The following TRPM3 variants were observed in gnomAD, a reference collection of about 807,000 sequenced individuals.
TRPM3 encodes the protein long transient receptor potential channel 3.
Under a neutral mutation model 181.2 loss-of-function variants are expected in TRPM3, and 77 were observed. That is an observed-to-expected ratio of 0.42 (90% CI 0.35 to 0.51). TRPM3 has a LOEUF of 0.51. Ranked by LOEUF, TRPM3 falls within the 20% of genes least tolerant of loss-of-function variation. The pLI, the probability that TRPM3 is intolerant of heterozygous loss-of-function variation, is 0.01. For missense variants in TRPM3, 1,759 were observed against 2,196.7 expected (o/e 0.80, Z 3.98); for synonymous variants, 745 against 796.4 (o/e 0.94, Z 1.09).
intron 12 of TRPM3, among the ~76,000 whole-genome samples, chr9:70,629,215 C>CGGGGGAGG: frequency 9.8e-5 from 1 of 10,174 alleles, no homozygotes; most frequent in African/African-American, 2.0e-4. Flanking sequence ...TGACCAGTGC[C>CGGGGGAGG]GGGGGGGGGG....
chr9:71,177,926 C>G (rs1310695755), intron 1 of TRPM3, among the ~76,000 whole-genome samples: 1 of 83,032 alleles, frequency 1.2e-5, no homozygotes, highest in Non-Finnish European at 2.4e-5. Flanking sequence ...AAGGATTGCT[C>G]AAAGCCAAAA....
chr9:70,638,052 G>A (rs534172107), intron 11 of TRPM3, among the ~76,000 whole-genome samples: 14 of 152,126 alleles, frequency 9.2e-5, no homozygotes, highest in Admixed American at 1.3e-4. Flanking sequence ...ACCTTTGGGA[G>A]GTGATTAGGT....
chr9:71,186,654 GA>G (rs2077697698), intron 1 of TRPM3, among the ~76,000 whole-genome samples: 2 of 152,196 alleles, frequency 1.3e-5, no homozygotes, highest in Admixed American at 6.6e-5. Context: ...AGGATTTTAT[GA>G]AAATGTGTGA....
chr9:71,340,698 G>A (rs951019322), intron 1 of TRPM3, among the ~76,000 whole-genome samples: 1 of 152,066 alleles, frequency 6.6e-6, no homozygotes, highest in Non-Finnish European at 1.5e-5. Flanking sequence ...GACTAATACA[G>A]TTGGTATACG....
chr9:71,250,216 T>C (rs1471638892), intron 1 of TRPM3, among the ~76,000 whole-genome samples: 1 of 152,172 alleles, frequency 6.6e-6, no homozygotes, highest in African/African-American at 2.4e-5. Flanking sequence ...TGAATAGCTA[T>C]TTACAACTGT....
At chr9:70,668,703 A>G (rs1019808979) in intron 9 of TRPM3, among the ~76,000 whole-genome samples, 1 of 149,272 alleles carries the variant, frequency 6.7e-6, no homozygotes, top group African/African-American at 2.4e-5. Context: ...AAAAAGAAAC[A>G]TAGTAACTTC....
In TRPM3 at chr9:70,535,814, G is replaced by C; in HGVS notation, c.*139C>G. Reference sequence around the variant, plus strand: ...TCTGTGGCCCAGAAGTCACCTTTGAGTTAACACCTCCCAAAGCATTGCTTG... The same window carrying C: ...TCTGTGGCCCAGAAGTCACCTTTGACTTAACACCTCCCAAAGCATTGCTTG... On this transcript the variant is annotated 3_prime_UTR_variant, in exon 26 of 26. Transcript: ENST00000677713. 6.7e-7 allele frequency: 1 copy of C among 1,500,980 alleles called. No homozygotes were observed. The highest frequency in any genetic ancestry group is 1.4e-5 in the South Asian group (1 of 72,866). 93.0% of individuals were successfully genotyped at this position (1,500,980 alleles called of 1,614,324 possible). A position where few individuals can be genotyped will look rare whatever the true frequency, so the allele number is the denominator to read the frequency against.
intron 7 of TRPM3, among the ~76,000 whole-genome samples, chr9:70,780,938 G>C (rs2082308711): frequency 6.6e-6 from 1 of 152,176 alleles, no homozygotes; most frequent in Admixed American, 6.6e-5. Flanking sequence ...ATCAGCCATT[G>C]TTCACAGTTG....
intron 1 of TRPM3, among the ~76,000 whole-genome samples, chr9:71,011,452 T>A (rs1403640917): frequency 2.0e-5 from 3 of 152,110 alleles, no homozygotes; most frequent in African/African-American, 4.8e-5. Flanking sequence ...TTTTTTAAAT[T>A]ATAAAATAAA....
intron 1 of TRPM3, among the ~76,000 whole-genome samples, chr9:71,031,972 T>TTATATATATATAATTATATATATATATTA (rs2057378851): frequency 1.6e-3 from 1 of 632 alleles, no homozygotes; most frequent in African/African-American, 2.4e-3. Flanking sequence ...TATATATATA[T>TTATATATATATAATTATATATATATATTA]TATATATATA....
intron 6 of TRPM3, among the ~76,000 whole-genome samples, chr9:70,797,396 A>C (rs1012188711): frequency 1.2e-4 from 18 of 152,152 alleles, no homozygotes; most frequent in Non-Finnish European, 1.6e-4. Context: ...GCTGTCACTC[A>C]CAATTACAGT....
chr9:71,360,004 G>C (rs2092076317), intron 1 of TRPM3, among the ~76,000 whole-genome samples: 1 of 152,152 alleles, frequency 6.6e-6, no homozygotes, highest in Admixed American at 6.5e-5. Flanking sequence ...TGGGAATTCA[G>C]TGAACACTTA....
chr9:70,610,587 G>T lies in TRPM3; in HGVS notation c.2667+22C>A, dbSNP rs755920318. On this transcript the variant is annotated intron_variant, in intron 19 of 25. Transcript: ENST00000677713. Reference sequence around the variant, plus strand: ...GCTCCTTGTGGCCATCCACTAGGAAGGAGAAAAGGAAATGTGCTTACTGTG... The same window carrying T: ...GCTCCTTGTGGCCATCCACTAGGAATGAGAAAAGGAAATGTGCTTACTGTG... 5 of 1,608,366 alleles carry T rather than the reference G, an allele frequency of 3.1e-6. No individual in the cohort carries two copies. In the African/African-American group the frequency reaches 5.3e-5, roughly 17 times the overall value.
At chr9:70,678,382 C>G (rs889176872) in intron 9 of TRPM3, among the ~76,000 whole-genome samples, 1 of 152,132 alleles carries the variant, frequency 6.6e-6, no homozygotes, top group African/African-American at 2.4e-5. Flanking sequence ...CTACTCCCGC[C>G]TCAACCTCCC....
chr9:70,974,262 G>T (rs146799046), intron 1 of TRPM3, among the ~76,000 whole-genome samples: 1 of 151,972 alleles, frequency 6.6e-6, no homozygotes, highest in Non-Finnish European at 1.5e-5. Flanking sequence ...TTACGTGGCC[G>T]GGCGCGGTGG....
chr9:71,389,218 A>T (rs566436762), intron 1 of TRPM3, among the ~76,000 whole-genome samples: 50 of 152,110 alleles, frequency 3.3e-4, no homozygotes, highest in Non-Finnish European at 5.0e-4. Context: ...TGGCAAACAA[A>T]CATGAAAAAA....
intron 1 of TRPM3, among the ~76,000 whole-genome samples, chr9:71,212,808 C>T (rs1587981052): frequency 6.6e-6 from 1 of 152,072 alleles, no homozygotes; most frequent in African/African-American, 2.4e-5. Context: ...TTTCCCCTTT[C>T]AGAGATTTTA....
intron 1 of TRPM3, among the ~76,000 whole-genome samples, chr9:70,886,315 G>A (rs1170996367): frequency 6.6e-6 from 1 of 152,170 alleles, no homozygotes; most frequent in Admixed American, 6.5e-5. Context: ...GTGGAGCATC[G>A]TTGGTGGAAC....
chr9:70,626,327 G>T (rs943393879), intron 12 of TRPM3, among the ~76,000 whole-genome samples: 5 of 152,180 alleles, frequency 3.3e-5, no homozygotes, highest in Admixed American at 1.3e-4. Flanking sequence ...GCTCCTTCTT[G>T]CGGGAGAGCG....
Sources: gnomAD v4.1 joint callset for allele counts (sites outside exome capture counted in the v4.1 genomes callset) on GRCh38, gnomAD v4.1.1 for gene constraint, MANE v1.5 for transcripts, NCBI Gene and HGNC (gene_info 2026-07-23, HGNC 2026-07-21) for gene names.